The following DNAJC6 variants were observed in gnomAD, a reference collection of about 807,000 sequenced individuals.
The protein encoded by DNAJC6 is DnaJ heat shock protein family (Hsp40) member C6.
A neutral mutation model predicts 110.0 loss-of-function variants in DNAJC6; 34 were observed. The ratio of observed to expected loss-of-function variants is 0.31; its 90% CI spans 0.24 to 0.41. The LOEUF (loss-of-function observed/expected upper bound fraction) is 0.41. Ranked by LOEUF, DNAJC6 falls within the 10% of genes least tolerant of loss-of-function variation. The pLI is 1.00. For synonymous variants in DNAJC6, 406 were observed against 437.2 expected (o/e 0.93, Z 0.89); for missense variants, 1,031 against 1,207.8 (o/e 0.85, Z 2.17).
At chr1:65,308,142 A>G (rs777595643), upstream of DNAJC6, among the ~76,000 whole-genome samples, 50 of 152,282 alleles carry the variant, frequency 3.3e-4, no homozygotes, top group Middle Eastern at 3.4e-3. Context: ...GACCCAAATC[A>G]TCTGGACTGA....
chr1:65,356,660 A>T (rs1477458869), intron 1 of DNAJC6, among the ~76,000 whole-genome samples: 2 of 152,136 alleles, frequency 1.3e-5, no homozygotes, highest in Non-Finnish European at 2.9e-5. Context: ...TTACATAAAA[A>T]TCACAATGTC....
intron 1 of DNAJC6, among the ~76,000 whole-genome samples, chr1:65,334,444 A>T (rs1645316901): frequency 6.6e-6 from 1 of 152,242 alleles, no homozygotes; most frequent in South Asian, 2.1e-4. Flanking sequence ...GAGAACTGCA[A>T]AGAGTTTCCC....
At chr1:65,296,805 C>G (rs1330274724) in intron 1 of DNAJC6, among the ~76,000 whole-genome samples, 2 of 151,990 alleles carry the variant, frequency 1.3e-5, no homozygotes, top group Non-Finnish European at 2.9e-5. Flanking sequence ...CCAGGCTGGT[C>G]TTGAACTCCT....
chr1:65,279,706 C>G (rs1413246825), intron 1 of DNAJC6: 1 of 152,144 alleles, frequency 6.6e-6, no homozygotes, highest in Non-Finnish European at 1.5e-5. Flanking sequence ...TACATTTTCT[C>G]TCCTATTTGC....
At chr1:65,372,762 A>G (rs1645719545) in intron 4 of DNAJC6, among the ~76,000 whole-genome samples, 1 of 152,212 alleles carries the variant, frequency 6.6e-6, no homozygotes, top group African/African-American at 2.4e-5. Flanking sequence ...AGATGAAAAT[A>G]AACTGGGGCA....
intron 1 of DNAJC6, among the ~76,000 whole-genome samples, chr1:65,298,202 G>C (rs776831794): frequency 4.6e-5 from 7 of 152,148 alleles, no homozygotes; most frequent in Admixed American, 1.3e-4. Flanking sequence ...AGGTGAACTA[G>C]TTGGATGATT....
chr1:65,275,237 C>T (rs1653630828), intron 1 of DNAJC6, among the ~76,000 whole-genome samples: 1 of 152,066 alleles, frequency 6.6e-6, no homozygotes, highest in Non-Finnish European at 1.5e-5. Context: ...GAAAAAAACT[C>T]CCTTTAGGAT....
At chr1:65,278,429 C>A (rs1275276488) in intron 1 of DNAJC6, among the ~76,000 whole-genome samples, 1 of 152,150 alleles carries the variant, frequency 6.6e-6, no homozygotes, top group Non-Finnish European at 1.5e-5. Flanking sequence ...ATCAGACAAA[C>A]AAACTGACAC....
intron 1 of DNAJC6, among the ~76,000 whole-genome samples, chr1:65,354,623 A>G (rs1222115496): frequency 6.6e-6 from 1 of 152,202 alleles, no homozygotes; most frequent in Non-Finnish European, 1.5e-5. Context: ...ATCATAGTCT[A>G]GTATTCTTCC....
At chr1:65,266,131 A>G (rs1240295848) in intron 1 of DNAJC6, among the ~76,000 whole-genome samples, 1 of 152,176 alleles carries the variant, frequency 6.6e-6, no homozygotes, top group East Asian at 1.9e-4. Flanking sequence ...ACGTGCAACA[A>G]CGCAGGCCCC....
In DNAJC6 at chr1:65,401,741, T is replaced by G. The variant is rs770113606; in HGVS notation, c.2108-20T>G. 7 of 1,595,840 alleles carry G rather than the reference T, an allele frequency of 4.4e-6. No individual in the cohort carries two copies. In the East Asian group the frequency reaches 1.6e-4, roughly 36 times the overall value. On this transcript the variant is annotated intron_variant, in intron 14 of 18. Transcript: ENST00000371069. ...CCTCAAACAACTAACTCATTTTCAATGACCTTATTTCCTTTTCAGGAGGCT... is the reference window on the plus strand; with the variant it reads ...CCTCAAACAACTAACTCATTTTCAAGGACCTTATTTCCTTTTCAGGAGGCT...
chr1:65,330,322 A>G (rs1645276103), intron 1 of DNAJC6, among the ~76,000 whole-genome samples: 1 of 152,184 alleles, frequency 6.6e-6, no homozygotes, highest in Non-Finnish European at 1.5e-5. Context: ...TACCAGGAAC[A>G]TGTTGCAATC....
chr1:65,345,713 C>T, intron 1 of DNAJC6: 2 of 980,720 alleles, frequency 2.0e-6, no homozygotes, highest in Non-Finnish European at 2.4e-6. Flanking sequence ...CAACCTCCTA[C>T]TACCCACCAG....
chr1:65,357,124 G>A (rs1645551340), intron 1 of DNAJC6, among the ~76,000 whole-genome samples: 1 of 152,034 alleles, frequency 6.6e-6, no homozygotes, highest in African/African-American at 2.4e-5. Context: ...CCTAGAGTGG[G>A]GCATCTCTAC....
At chr1:65,267,261 A>T (rs1380316177) in intron 1 of DNAJC6, among the ~76,000 whole-genome samples, 1 of 152,146 alleles carries the variant, frequency 6.6e-6, no homozygotes, top group Non-Finnish European at 1.5e-5. Context: ...CAAGATTGGT[A>T]GGCTCTGGCT....
At chr1:65,281,150 C>T (rs927191680) in intron 1 of DNAJC6, among the ~76,000 whole-genome samples, 4 of 152,088 alleles carry the variant, frequency 2.6e-5, no homozygotes, top group Non-Finnish European at 5.9e-5. Context: ...TGGTCTCGAA[C>T]TCCTGACCTC....
rs117072159 is a variant in DNAJC6 at position 65,321,829 on chromosome 1, C to T, written c.193+11891C>T. Among the ~76,000 whole-genome samples the T allele has an allele frequency of 6.6e-4, 101 of 152,274 alleles. 4 individuals are homozygous for T. The East Asian group carries it at 0.018, about 27-fold the overall frequency. On this transcript the variant is annotated intron_variant, in intron 1 of 18. Transcript: ENST00000371069. ...GAGAGATTTTCAGAAGAGGAATTGA[C>T]ATCTTGGGCACCCTGTAGCCAAGAT...
chr1:65,289,533 C>A (rs534653575), intron 1 of DNAJC6, among the ~76,000 whole-genome samples: 1 of 152,110 alleles, frequency 6.6e-6, no homozygotes, highest in African/African-American at 2.4e-5. Context: ...GTGTATCTGT[C>A]ACTGTGGTTT....
At chr1:65,344,893 T>C (rs1171660851) in intron 1 of DNAJC6, among the ~76,000 whole-genome samples, 1 of 152,152 alleles carries the variant, frequency 6.6e-6, no homozygotes, top group African/African-American at 2.4e-5. Flanking sequence ...GTTTCCCAGA[T>C]GCCTGATCTG....
Sources: allele counts gnomAD v4.1 joint callset (sites outside exome capture counted in the v4.1 genomes callset), GRCh38; gene constraint gnomAD v4.1.1; transcripts MANE v1.5; gene names NCBI Gene and HGNC (gene_info 2026-07-23, HGNC 2026-07-21).